Variants in MFSD11 observed in about 807,000 individuals in gnomAD.
MFSD11 encodes UNC93-like protein MFSD11.
In MFSD11, 36 loss-of-function variants were observed where a neutral mutation model predicts 53.5. That is an observed-to-expected ratio of 0.67 (90% CI 0.52 to 0.89). MFSD11 has a LOEUF of 0.89. Ranked by LOEUF, MFSD11 falls within the 40% of genes least tolerant of loss-of-function variation. MFSD11 has a pLI of 0.00. For missense variants in MFSD11, 530 were observed against 543.9 expected (o/e 0.97, Z 0.25); for synonymous variants, 186 against 184.9 (o/e 1.01, Z -0.05).
chr17:76,770,416 C>T (rs2144808511), intron 10 of MFSD11, among the ~76,000 whole-genome samples: 1 of 152,230 alleles, frequency 6.6e-6, no homozygotes, highest in East Asian at 1.9e-4. Flanking sequence ...TGTAAGAAAA[C>T]ATACAATGTC....
intron 10 of MFSD11, among the ~76,000 whole-genome samples, chr17:76,772,828 T>A (rs2081490179): frequency 6.6e-6 from 1 of 152,164 alleles, no homozygotes. Context: ...CCTGTCAGTA[T>A]TTTTGAGCTT....
In MFSD11 at chr17:76,759,545, C is replaced by T. The variant is rs146774220; in HGVS notation, c.682+5458C>T. Among the ~76,000 whole-genome samples, 1,052 of 152,138 alleles carry T rather than the reference C, an allele frequency of 6.9e-3. 8 individuals are homozygous for T. The highest frequency in any genetic ancestry group is 0.043 in the South Asian group (209 of 4,818). ...TCTCAGCTCACTGCAACCTCCGCCC[C>T]GCAGGTTTAAGCGATTCTCCTGCCT... is the stretch of plus-strand genomic sequence containing the variant. On this transcript the variant is annotated intron_variant, in intron 8 of 12. Transcript: ENST00000685175.
intron 5 of MFSD11, 93 bp from the exon 6 acceptor site, chr17:76,743,305 C>T: frequency 2.4e-6 from 2 of 831,124 alleles, no homozygotes; most frequent in Non-Finnish European, 3.7e-6. Context: ...CTCTCTCCCT[C>T]TCTTACAACA....
intron 8 of MFSD11, among the ~76,000 whole-genome samples, chr17:76,763,082 G>A (rs77963740): frequency 0.018 from 2,762 of 152,130 alleles, 79 homozygotes; most frequent in African/African-American, 0.062. Flanking sequence ...AAGTTTTTGT[G>A]TGGATGTGTT....
chr17:76,789,944 A>G, the MFSD11 span, among the ~76,000 whole-genome samples: 1 of 150,212 alleles, frequency 6.7e-6, no homozygotes, highest in African/African-American at 2.4e-5. Context: ...GAGATAATTA[A>G]CTTTGAAAAG....
the MFSD11 span, among the ~76,000 whole-genome samples, chr17:76,803,779 G>A: frequency 6.6e-6 from 1 of 152,134 alleles, no homozygotes; most frequent in East Asian, 1.9e-4. Context: ...ACTGATTTGA[G>A]TAATAATAAA....
At chr17:76,769,995 G>A (rs1372735710) in intron 10 of MFSD11, 124 bp downstream of exon 10, 15 of 857,132 alleles carry the variant, frequency 1.8e-5, no homozygotes, top group East Asian at 8.8e-5. Flanking sequence ...TTACCCAAAC[G>A]TGTGTTTTTA....
At chr17:76,747,422 C>T (rs1316724634) in intron 7 of MFSD11, among the ~76,000 whole-genome samples, 1 of 152,106 alleles carries the variant, frequency 6.6e-6, no homozygotes, top group East Asian at 1.9e-4. Context: ...GCAACCTCTG[C>T]TTCCCAGGTT....
At chr17:76,794,055 C>T in the MFSD11 span, among the ~76,000 whole-genome samples, 15 of 151,474 alleles carry the variant, frequency 9.9e-5, no homozygotes, top group East Asian at 2.9e-3. Context: ...TTACTTTTAG[C>T]CCCAGGAGAC....
Position 76,738,290 on chromosome 17 carries a change from G to A in MFSD11, c.-63G>A. On this transcript the variant is annotated 5_prime_UTR_variant, in exon 1 of 13. The change creates a new upstream start codon in the 5' untranslated region. Coordinates refer to ENST00000685175, the MANE Select transcript of MFSD11 (RefSeq NM_001242532.5). ...CTCATTTCTTTCTCCAGGATTGTCAGTGGCTTCGCCCCGAGGAGAGCTGAC... is the reference window on the plus strand; with the variant it reads ...CTCATTTCTTTCTCCAGGATTGTCAATGGCTTCGCCCCGAGGAGAGCTGAC... The A allele has an allele frequency of 2.8e-6, 3 of 1,070,124 alleles. No homozygotes were observed. Among genetic ancestry groups the A allele is most frequent in the Non-Finnish European group, 4.3e-6 (3 of 697,418 alleles). The allele number at this position is 1,070,124 out of a possible 1,614,324, so 66.3% of individuals were successfully genotyped here.
chr17:76,739,029 G>A (rs1358633146), intron 2 of MFSD11, 36 bp downstream of exon 2: 1 of 1,517,390 alleles, frequency 6.6e-7, no homozygotes, highest in Non-Finnish European at 9.1e-7. Context: ...CTTTATATTT[G>A]ACAGTAGTTG....
chr17:76,776,497 T>G lies in MFSD11; in HGVS notation c.1141T>G (p.Ser381Ala). 1.2e-6 allele frequency: 2 copies of G among 1,614,182 alleles called. No homozygotes were observed. Among genetic ancestry groups the G allele is most frequent in the Non-Finnish European group, 1.7e-6 (2 of 1,180,032 alleles). ...QLLSILGFLY[S>A]EDSAPAFAIF... is the part of the protein sequence containing the mutation. Reference sequence around the variant, plus strand: ...GCTTAGTATCTTGGGCTTTCTGTATTCTGAAGACAGCGCCCCAGCATTTGC... The same window carrying G: ...GCTTAGTATCTTGGGCTTTCTGTATGCTGAAGACAGCGCCCCAGCATTTGC... Residue 381 changes from serine to alanine, a missense_variant, in exon 12 of 13, where the codon TCT becomes GCT. Coordinates refer to ENST00000685175, the MANE Select transcript of MFSD11 (RefSeq NM_001242532.5). The surrounding 1 kb of genome is among the most constrained non-coding windows in gnomAD (Gnocchi z 4.2).
upstream of MFSD11, chr17:76,736,863 G>A (rs1310316973): frequency 6.2e-7 from 1 of 1,609,862 alleles, no homozygotes; most frequent in Non-Finnish European, 8.5e-7. Context: ...CGGCGGCTGT[G>A]GTGTGAGTCC....
At chr17:76,795,348 A>G in the MFSD11 span, among the ~76,000 whole-genome samples, 9,272 of 148,934 alleles carry the variant, frequency 0.062, 983 homozygotes, top group African/African-American at 0.21. Context: ...AATTAGCCAG[A>G]CGTGGTGGCG....
chr17:76,738,825 G>C (rs1246653759), intron 1 of MFSD11, 113 bp from the exon 2 acceptor site: 1 of 801,804 alleles, frequency 1.2e-6, no homozygotes, highest in East Asian at 2.5e-5. Flanking sequence ...TCAGTATTAA[G>C]TACATTATGA....
At chr17:76,801,034 A>G in the MFSD11 span, among the ~76,000 whole-genome samples, 4 of 151,450 alleles carry the variant, frequency 2.6e-5, no homozygotes, top group Non-Finnish European at 5.9e-5. Context: ...CCGAGATGGC[A>G]CACTGCACTT....
At chr17:76,785,233 G>T (rs1348603208), downstream of MFSD11, among the ~76,000 whole-genome samples, 9 of 152,184 alleles carry the variant, frequency 5.9e-5, no homozygotes, top group Admixed American at 5.9e-4. Flanking sequence ...AATACTGCTT[G>T]ATTTCATTTA....
chr17:76,778,168 TTTG>T lies in MFSD11; in HGVS notation c.1186-17_1186-15del, dbSNP rs761347485. 2.6e-5 allele frequency: 42 copies of T among 1,613,366 alleles called. No individual in the cohort carries two copies. The Admixed American group carries it at 3.3e-4, about 13-fold the overall frequency. ...GTGGCCCCCGGTGCGCCCGTTGTGA[TTTG>T]TTTTGTTTGTTCTTAGTCTATTTGC... On this transcript the variant is annotated splice_polypyrimidine_tract_variant and intron_variant, in intron 12 of 12. Coordinates refer to ENST00000685175, the MANE Select transcript of MFSD11 (RefSeq NM_001242532.5).
chr17:76,736,825 G>T (rs770622960), upstream of MFSD11: 1 of 1,594,612 alleles, frequency 6.3e-7, no homozygotes, highest in Non-Finnish European at 8.5e-7. Flanking sequence ...CGTAGCCACC[G>T]CCCCCGTACC....
Sources: allele counts gnomAD v4.1 joint callset (sites outside exome capture counted in the v4.1 genomes callset), GRCh38; gene constraint gnomAD v4.1.1; non-coding constraint Gnocchi (gnomAD v3.1); transcripts MANE v1.5; gene names NCBI Gene and HGNC (gene_info 2026-07-23, HGNC 2026-07-21).